GALNTL6: variants seen among roughly 807,000 people sequenced by gnomAD.
The protein encoded by GALNTL6 is polypeptide N-acetylgalactosaminyltransferase like 6, also known as polypeptide N-acetylgalactosaminyltransferase-like 6.
A neutral mutation model predicts 73.7 loss-of-function variants in GALNTL6; 46 were observed. That is an observed-to-expected ratio of 0.62 (90% CI 0.49 to 0.80). The LOEUF (loss-of-function observed/expected upper bound fraction) is 0.80. GALNTL6 is among the 30% of genes least tolerant of loss of function. The pLI, the probability that GALNTL6 is intolerant of heterozygous loss-of-function variation, is 0.00. For missense variants in GALNTL6, 604 were observed against 755.0 expected, an observed-to-expected ratio of 0.80 and a Z score of 2.34; for synonymous variants, 259 against 263.7, an observed-to-expected ratio of 0.98 and a Z score of 0.17.
At chr4:172,397,363 A>AT (rs927905145) in intron 5 of GALNTL6, among the ~76,000 whole-genome samples, 3 of 152,116 alleles carry the variant, frequency 2.0e-5, no homozygotes, top group Non-Finnish European at 2.9e-5. Flanking sequence ...TAGAAGTAAT[A>AT]TTTTGCCTAA....
intron 5 of GALNTL6, among the ~76,000 whole-genome samples, chr4:172,589,984 G>A (rs927224535): frequency 5.3e-5 from 8 of 152,150 alleles, no homozygotes; most frequent in Non-Finnish European, 1.0e-4. Context: ...TGCCCTGCTA[G>A]GGAAAATAGC....
chr4:172,127,056 C>G (rs1462281601), intron 2 of GALNTL6, among the ~76,000 whole-genome samples: 1 of 152,220 alleles, frequency 6.6e-6, no homozygotes, highest in Non-Finnish European at 1.5e-5. Flanking sequence ...TGAAGTAATA[C>G]TCCCCAGTCA....
At chr4:172,290,312 T>C (rs940593529) in intron 3 of GALNTL6, among the ~76,000 whole-genome samples, 1 of 152,234 alleles carries the variant, frequency 6.6e-6, no homozygotes, top group Non-Finnish European at 1.5e-5. Flanking sequence ...ATATTTGCTC[T>C]ATCTGCATAG....
intron 2 of GALNTL6, among the ~76,000 whole-genome samples, chr4:171,982,375 G>T (rs1739924771): frequency 6.6e-6 from 1 of 152,038 alleles, no homozygotes. Context: ...TCGGCCCACT[G>T]CAAGCTCTGC....
intron 5 of GALNTL6, among the ~76,000 whole-genome samples, chr4:172,736,968 C>T (rs1736506087): frequency 6.6e-6 from 1 of 152,172 alleles, no homozygotes; most frequent in South Asian, 2.1e-4. Context: ...CCTCTTTCCA[C>T]CATGATTGTG....
At chr4:171,982,578 A>G (rs148288292) in intron 2 of GALNTL6, among the ~76,000 whole-genome samples, 8,992 of 152,090 alleles carry the variant, frequency 0.059, 355 homozygotes, top group Non-Finnish European at 0.084. Flanking sequence ...GATTACAAGC[A>G]TGAGCCACCG....
chr4:172,242,138 ACT>A (rs1193059932), intron 3 of GALNTL6, among the ~76,000 whole-genome samples: 2 of 152,136 alleles, frequency 1.3e-5, no homozygotes, highest in East Asian at 3.9e-4. Context: ...ATAAAAGTAA[ACT>A]CTGCCTATGA....
chr4:173,030,818 G>A (rs192780127), intron 12 of GALNTL6, among the ~76,000 whole-genome samples: 2 of 147,334 alleles, frequency 1.4e-5, no homozygotes, highest in East Asian at 3.9e-4. Flanking sequence ...TGGGCAACAT[G>A]GTGAAAACCT....
Position 172,618,152 on chromosome 4 carries a change from G to A in GALNTL6, c.554-191209G>A, listed in dbSNP as rs79375341. Among the ~76,000 whole-genome samples, 529 of 152,146 alleles carry A rather than the reference G, an allele frequency of 3.5e-3. 6 individuals carry two copies. Among genetic ancestry groups the A allele is most frequent in the African/African-American group, 0.012 (483 of 41,488 alleles). On this transcript the variant is annotated intron_variant, in intron 5 of 12. Coordinates refer to ENST00000506823, the MANE Select transcript of GALNTL6 (RefSeq NM_001034845.3). ...CTTTCCCTGTCACACTGGTGTAGTC[G>A]GCAAGAGTTACTAATATAAGGATAT...
chr4:172,686,412 C>G (rs957721360), intron 5 of GALNTL6, among the ~76,000 whole-genome samples: 10 of 152,136 alleles, frequency 6.6e-5, no homozygotes, highest in African/African-American at 1.9e-4. Context: ...CTCTGGTGTT[C>G]ATGGAAGCTT....
In GALNTL6 at chr4:171,890,261, A is replaced by G. The variant is rs148917270; in HGVS notation, c.138+75543A>G. ...TCAAGTGGTTTTTATAAAACCATAT[A>G]TTACATTCTTCTAATTTTCTTCTCT... On this transcript the variant is annotated intron_variant, in intron 2 of 12. Transcript: ENST00000506823. Among the ~76,000 whole-genome samples the G allele has an allele frequency of 3.3e-4, 51 of 152,254 alleles. No homozygotes were observed. In the East Asian group the frequency reaches 8.7e-3, roughly 26 times the overall value.
chr4:172,162,830 G>T (rs1205924559), intron 2 of GALNTL6, among the ~76,000 whole-genome samples: 1 of 152,074 alleles, frequency 6.6e-6, no homozygotes, highest in Non-Finnish European at 1.5e-5. Context: ...TCAAGAATGA[G>T]TTTTTAAGCT....
At chr4:172,468,862 C>G (rs1419652469) in intron 5 of GALNTL6, among the ~76,000 whole-genome samples, 1 of 152,196 alleles carries the variant, frequency 6.6e-6, no homozygotes, top group Non-Finnish European at 1.5e-5. Flanking sequence ...ACACTCTTCT[C>G]TAACATATTA....
At chr4:172,776,344 T>C (rs1032784782) in intron 5 of GALNTL6, among the ~76,000 whole-genome samples, 1 of 152,182 alleles carries the variant, frequency 6.6e-6, no homozygotes, top group Non-Finnish European at 1.5e-5. Context: ...GGTTGGTTAA[T>C]GTATGCCAAA....
intron 5 of GALNTL6, among the ~76,000 whole-genome samples, chr4:172,370,588 G>A (rs954410151): frequency 2.8e-4 from 37 of 130,814 alleles, no homozygotes; most frequent in Non-Finnish European, 4.9e-4. Flanking sequence ...TCGAGATCAC[G>A]CCACTGCACT....
intron 5 of GALNTL6, among the ~76,000 whole-genome samples, chr4:172,581,054 GC>G (rs35647051): frequency 6.6e-6 from 1 of 152,190 alleles, no homozygotes; most frequent in Admixed American, 6.5e-5. Context: ...GAGCCACTGT[GC>G]CCGGCTGGCT....
rs79254040 is a variant in GALNTL6, at chr4:172,575,223, T to A, written c.553+226534T>A. Reference sequence around the variant, plus strand: ...TTTGAAGTTGTAACTAAATTCAGCATAATCTCTACTCCTTTTATTTTCCAG... The same window carrying A: ...TTTGAAGTTGTAACTAAATTCAGCAAAATCTCTACTCCTTTTATTTTCCAG... On this transcript the variant is annotated intron_variant, in intron 5 of 12. Coordinates refer to ENST00000506823, the MANE Select transcript of GALNTL6 (RefSeq NM_001034845.3). 7.3e-3 allele frequency among the ~76,000 whole-genome samples: 1,106 copies of A among 152,338 alleles called. 19 individuals carry two copies. The highest frequency in any genetic ancestry group is 0.025 in the African/African-American group (1,047 of 41,580).
chr4:172,282,600 G>A (rs1267465700), intron 3 of GALNTL6, among the ~76,000 whole-genome samples: 4 of 150,596 alleles, frequency 2.7e-5, no homozygotes, highest in Admixed American at 2.0e-4. Flanking sequence ...TAAATAAAAT[G>A]CAGTTTTCAT....
At chr4:172,005,366 A>T (rs951555105) in intron 2 of GALNTL6, among the ~76,000 whole-genome samples, 5 of 152,104 alleles carry the variant, frequency 3.3e-5, no homozygotes, top group African/African-American at 4.8e-5. Context: ...GACTCAAAGG[A>T]TCCACCTGCC....
Sources: allele counts gnomAD v4.1 joint callset (sites outside exome capture counted in the v4.1 genomes callset), GRCh38; gene constraint gnomAD v4.1.1; transcripts MANE v1.5; gene names NCBI Gene and HGNC (gene_info 2026-07-23, HGNC 2026-07-21).